NKAIN2: variants seen among roughly 807,000 people sequenced by gnomAD.
NKAIN2 encodes sodium/potassium-transporting ATPase subunit beta-1-interacting protein 2.
Under a neutral mutation model 32.6 loss-of-function variants are expected in NKAIN2, and 14 were observed. That is an observed-to-expected ratio of 0.43 (90% confidence interval 0.28 to 0.67). The LOEUF is 0.67. NKAIN2 is among the 30% of genes least tolerant of loss of function. The pLI is 0.17. For synonymous variants in NKAIN2, 80 were observed against 87.2 expected, an observed-to-expected ratio of 0.92 and a Z score of 0.46; for missense variants, 198 against 258.3, an observed-to-expected ratio of 0.77 and a Z score of 1.60.
chr6:124,038,889 C>T (rs1012238262), intron 1 of NKAIN2, among the ~76,000 whole-genome samples: 2 of 152,034 alleles, frequency 1.3e-5, no homozygotes, highest in South Asian at 2.1e-4. Flanking sequence ...TGTACCAGAA[C>T]GAGGGTGTTT....
chr6:124,111,996 C>T (rs1019802692), intron 1 of NKAIN2, among the ~76,000 whole-genome samples: 1 of 152,020 alleles, frequency 6.6e-6, no homozygotes, highest in Admixed American at 6.6e-5. Context: ...AAAATCTATT[C>T]ATATTATTTA....
intron 4 of NKAIN2, among the ~76,000 whole-genome samples, chr6:124,659,823 A>G (rs891488747): frequency 6.6e-6 from 1 of 152,136 alleles, no homozygotes; most frequent in African/African-American, 2.4e-5. Flanking sequence ...CAGAATGGAC[A>G]GTAAAGAGGA....
chr6:124,028,467 A>G (rs1781219455), intron 1 of NKAIN2, among the ~76,000 whole-genome samples: 1 of 151,740 alleles, frequency 6.6e-6, no homozygotes, highest in South Asian at 2.1e-4. Context: ...GGTGCAGCAC[A>G]CCAGCATGGC....
chr6:124,612,052 C>G (rs1271026717), intron 3 of NKAIN2, among the ~76,000 whole-genome samples: 1 of 151,926 alleles, frequency 6.6e-6, no homozygotes, highest in Non-Finnish European at 1.5e-5. Context: ...ACCACTCATT[C>G]TCATATACTA....
chr6:123,959,371 G>A (rs1777738546), intron 1 of NKAIN2, among the ~76,000 whole-genome samples: 2 of 152,106 alleles, frequency 1.3e-5, no homozygotes, highest in South Asian at 2.1e-4. Context: ...CTGCATTGTG[G>A]CGGCCTACTC....
At chr6:123,978,728 ACT>A (rs779728644) in intron 1 of NKAIN2, among the ~76,000 whole-genome samples, 72 of 152,240 alleles carry the variant, frequency 4.7e-4, no homozygotes, top group Non-Finnish European at 7.9e-4. Flanking sequence ...CATATTAGAC[ACT>A]CACATATATC....
At chr6:124,011,959 A>G (rs1296560535) in intron 1 of NKAIN2, among the ~76,000 whole-genome samples, 1 of 152,208 alleles carries the variant, frequency 6.6e-6, no homozygotes. Flanking sequence ...GCAATAAGTC[A>G]TAGGTCAATC....
At chr6:123,817,850 T>C (rs1342682387) in intron 1 of NKAIN2, among the ~76,000 whole-genome samples, 1 of 152,174 alleles carries the variant, frequency 6.6e-6, no homozygotes, top group East Asian at 1.9e-4. Context: ...AGGGGGGTGC[T>C]GAATAAGCAT....
intron 1 of NKAIN2, among the ~76,000 whole-genome samples, chr6:123,952,099 A>G (rs1480402813): frequency 6.6e-6 from 1 of 152,042 alleles, no homozygotes; most frequent in Non-Finnish European, 1.5e-5. Context: ...GGTGATGAAT[A>G]ATCTTACGTT....
chr6:124,139,203 C>T (rs890075782), intron 1 of NKAIN2, among the ~76,000 whole-genome samples: 8 of 145,024 alleles, frequency 5.5e-5, no homozygotes, highest in African/African-American at 2.1e-4. Context: ...ATTCTCCTGC[C>T]TCAGCCTCCC....
intron 4 of NKAIN2, among the ~76,000 whole-genome samples, chr6:124,758,058 A>G (rs2114726803): frequency 6.6e-6 from 1 of 152,266 alleles, no homozygotes; most frequent in African/African-American, 2.4e-5. Flanking sequence ...TTAAATTGAC[A>G]AGAGAATGTT....
intron 1 of NKAIN2, among the ~76,000 whole-genome samples, chr6:124,117,991 A>G (rs185997032): frequency 3.4e-3 from 521 of 151,658 alleles, no homozygotes; most frequent in Non-Finnish European, 5.9e-3. Context: ...TCTCCTCAAG[A>G]TACAGCCCTG....
intron 4 of NKAIN2, among the ~76,000 whole-genome samples, chr6:124,760,624 A>G (rs1778222259): frequency 6.6e-6 from 1 of 152,020 alleles, no homozygotes; most frequent in Admixed American, 6.6e-5. Context: ...GGAGTTTGGT[A>G]TTAATAAGTG....
At chr6:124,699,395 C>G (rs1161589908) in intron 4 of NKAIN2, among the ~76,000 whole-genome samples, 1 of 152,172 alleles carries the variant, frequency 6.6e-6, no homozygotes, top group African/African-American at 2.4e-5. Flanking sequence ...CAAGAGGAGG[C>G]TGCAAGGCCT....
chr6:124,408,100 T>G (rs1773955445), intron 3 of NKAIN2, among the ~76,000 whole-genome samples: 1 of 152,136 alleles, frequency 6.6e-6, no homozygotes, highest in South Asian at 2.1e-4. Flanking sequence ...ATATTAGCCC[T>G]TTGTCAGATG....
At chr6:124,097,821 AC>A (rs1784708865) in intron 1 of NKAIN2, among the ~76,000 whole-genome samples, 1 of 152,246 alleles carries the variant, frequency 6.6e-6, no homozygotes, top group South Asian at 2.1e-4. Flanking sequence ...AAAAGGGCTT[AC>A]TGTAGAGTGG....
At chr6:124,162,919 C>G (rs975139554) in intron 1 of NKAIN2, among the ~76,000 whole-genome samples, 1 of 152,018 alleles carries the variant, frequency 6.6e-6, no homozygotes, top group Admixed American at 6.6e-5. Context: ...CAGGAATGTT[C>G]TTAATTTAGT....
intron 1 of NKAIN2, among the ~76,000 whole-genome samples, chr6:123,855,650 T>C (rs1775530070): frequency 6.6e-6 from 1 of 152,244 alleles, no homozygotes. Flanking sequence ...GCACATGCCA[T>C]GTCTGGGGAT....
chr6:124,326,539 C>T (rs777567124), intron 2 of NKAIN2, among the ~76,000 whole-genome samples: 6 of 152,110 alleles, frequency 3.9e-5, no homozygotes, highest in Admixed American at 6.5e-5. Flanking sequence ...AATGCTTCAT[C>T]TTTAGATTTG....
Sources: gnomAD v4.1 joint callset for allele counts (sites outside exome capture counted in the v4.1 genomes callset) on GRCh38, gnomAD v4.1.1 for gene constraint, MANE v1.5 for transcripts, NCBI Gene and HGNC (gene_info 2026-07-23, HGNC 2026-07-21) for gene names.